Variants in ZFR2 observed in about 807,000 individuals in gnomAD.
The protein encoded by ZFR2 is zinc finger RNA-binding protein 2.
ZFR2 carries 104 observed loss-of-function variants against 105.7 expected under a neutral mutation model. The ratio of observed to expected loss-of-function variants is 0.98; its 90% confidence interval spans 0.84 to 1.16. The LOEUF is 1.16. Ranked by LOEUF, ZFR2 falls within the 50% of genes most tolerant of loss-of-function variation. The pLI is 0.00. For missense variants in ZFR2, 1,425 were observed against 1,355.5 expected, an observed-to-expected ratio of 1.05 and a Z score of -0.80; for synonymous variants, 634 against 597.7, an observed-to-expected ratio of 1.06 and a Z score of -0.89.
intron 1 of ZFR2, chr19:3,855,470 C>T: frequency 1.6e-6 from 2 of 1,231,256 alleles, no homozygotes; most frequent in Non-Finnish European, 2.0e-6. Flanking sequence ...ATAAATACTT[C>T]CTGGGTGCTA....
intron 11 of ZFR2, 104 bp from the exon 12 acceptor site, chr19:3,819,339 C>T (rs80064549): frequency 0.027 from 33,397 of 1,248,290 alleles, 545 homozygotes; most frequent in South Asian, 0.041. Context: ...AGCCAGGTTA[C>T]GAGGCGGCAG....
At position 3,811,311 on chromosome 19, in the gene ZFR2, G is replaced by A. The variant is rs780106075; in HGVS notation, c.2298C>T (p.Leu766=). 41 of 1,605,238 alleles carry A rather than the reference G, an allele frequency of 2.6e-5. No individual in the cohort carries two copies. The highest frequency in any genetic ancestry group is 2.7e-5 in the African/African-American group (2 of 74,712). The part of the protein sequence containing the change: ...AGDVLSPKKC[L]ESLAALRHAR... ...CATGACGGAGGGCGGCCAGGGACTC[G>A]AGGCACTTCTTGGGGCTCAGGACAT... Residue 766 remains leucine, a synonymous_variant, in exon 15 of 19, where the codon CTC becomes CTT. Transcript: ENST00000262961.
chr19:3,825,203 C>A (rs1414709606), intron 7 of ZFR2, 27 bp downstream of exon 7: 1 of 1,463,214 alleles, frequency 6.8e-7, no homozygotes, highest in African/African-American at 1.5e-5. Context: ...CTGGTGGGTA[C>A]ACGAACACGC....
chr19:3,844,017 G>GT (rs2038162500), intron 1 of ZFR2, among the ~76,000 whole-genome samples: 3 of 134,026 alleles, frequency 2.2e-5, no homozygotes, highest in South Asian at 2.6e-4. Flanking sequence ...AGGATGTGGG[G>GT]GGGGGGGTGC....
intron 1 of ZFR2, among the ~76,000 whole-genome samples, chr19:3,865,428 C>G (rs1330519180): frequency 6.6e-6 from 1 of 152,100 alleles, no homozygotes; most frequent in Non-Finnish European, 1.5e-5. Context: ...CAACTCACTA[C>G]AGCCTCAAAC....
In ZFR2 at chr19:3,823,547, C is replaced by G. The variant is rs983352699; in HGVS notation, c.1214-144G>C. On this transcript the variant is annotated intron_variant, in intron 7 of 18. Transcript: ENST00000262961. This position sits in a 1 kb window ranked among gnomAD's most constrained non-coding sequence, Gnocchi z 5.4. The stretch of plus-strand genomic sequence containing the variant: ...CCTCCTGTGATGTCAGGGGGAATGG[C>G]CCCGGACAGCAACCTCGCTCTCCCT... 1 of 825,214 alleles carries G rather than the reference C, an allele frequency of 1.2e-6. No individual in the cohort carries two copies. The highest frequency in any genetic ancestry group is 1.8e-6 in the Non-Finnish European group (1 of 545,460). The allele number at this position is 825,214 out of a possible 1,614,324, so 51.1% of individuals were successfully genotyped here.
intron 6 of ZFR2, among the ~76,000 whole-genome samples, chr19:3,826,177 C>T (rs1294930143): frequency 6.6e-6 from 1 of 152,162 alleles, no homozygotes; most frequent in Non-Finnish European, 1.5e-5. Flanking sequence ...CCGCTCCTTC[C>T]CTCCTCCATG....
At position 3,858,067 on chromosome 19, in the gene ZFR2, T is replaced by A. The variant is rs2038328734; in HGVS notation, c.53+10898A>T. Among the ~76,000 whole-genome samples the A allele has an allele frequency of 6.6e-6, 1 of 152,182 alleles. No individual in the cohort carries two copies. Among genetic ancestry groups the A allele is most frequent in the Non-Finnish European group, 1.5e-5 (1 of 68,040 alleles). Reference sequence around the variant, plus strand: ...GGGAAGTCAAGCTTTTTCAGGTGCATCCTTCTAAACTGAATTTTGGGATGC... The same window carrying A: ...GGGAAGTCAAGCTTTTTCAGGTGCAACCTTCTAAACTGAATTTTGGGATGC... On this transcript the variant is annotated intron_variant, in intron 1 of 18. Transcript: ENST00000262961. This position sits in a 1 kb window ranked among gnomAD's most constrained non-coding sequence, Gnocchi z 4.3.
intron 17 of ZFR2, 98 bp from the exon 18 acceptor site, chr19:3,807,367 C>T (rs1396889236): frequency 4.7e-6 from 4 of 846,384 alleles, no homozygotes; most frequent in Non-Finnish European, 5.6e-6. Flanking sequence ...CTCAGGGGCC[C>T]GTGCATGGGG....
At chr19:3,854,235 A>T (rs1322813491) in intron 1 of ZFR2, among the ~76,000 whole-genome samples, 1 of 107,744 alleles carries the variant, frequency 9.3e-6, no homozygotes, top group Non-Finnish European at 1.8e-5. Flanking sequence ...ATAAAAATAC[A>T]AAAAAAATGA....
intron 13 of ZFR2, 77 bp downstream of exon 13, chr19:3,816,597 T>A: frequency 6.6e-7 from 1 of 1,510,218 alleles, no homozygotes; most frequent in Non-Finnish European, 8.8e-7. Flanking sequence ...CCCTGCCATC[T>A]AGGAGCGCAA....
At position 3,819,164 on chromosome 19, in the gene ZFR2, C is replaced by G. The variant is rs775562032; in HGVS notation, c.1812G>C (p.Glu604Asp). 6 of 1,602,520 alleles carry G rather than the reference C, an allele frequency of 3.7e-6. No individual in the cohort carries two copies. In the African/African-American group the frequency reaches 6.7e-5, roughly 18 times the overall value. Reference protein sequence around the residue: ...MCKHATIYPTEQELLAVQRAV... With the variant: ...MCKHATIYPTDQELLAVQRAV... ...CCCTCTGCACGGCCAGGAGCTCCTGCTCCGTGGGGTAGATGGTGGCGTGCT... is the reference window on the plus strand; with the variant it reads ...CCCTCTGCACGGCCAGGAGCTCCTGGTCCGTGGGGTAGATGGTGGCGTGCT... Residue 604 changes from glutamate to aspartate, a missense_variant, in exon 12 of 19, where the codon GAG becomes GAC. Transcript: ENST00000262961.
Position 3,820,256 on chromosome 19 carries a change from G to A in ZFR2, c.1666C>T (p.Pro556Ser), listed in dbSNP as rs1361003317. The stretch of plus-strand genomic sequence containing the variant: ...TGGGCCCAGTCGGGCGGCGCGTGGG[G>A]CGGCACGTCCTGGGGTGGCTCCTCC... ...LEEEPPQDVP[P>S]HAPPDWAQPL... Residue 556 changes from proline to serine, a missense_variant, in exon 11 of 19, where the codon CCC becomes TCC. Transcript: ENST00000262961. 1.9e-6 allele frequency: 3 copies of A among 1,548,446 alleles called. No individual in the cohort carries two copies. The highest frequency in any genetic ancestry group is 2.4e-5 in the East Asian group (1 of 40,904).
intron 1 of ZFR2, among the ~76,000 whole-genome samples, chr19:3,845,482 G>T (rs371951751): frequency 4.0e-5 from 5 of 126,324 alleles, no homozygotes; most frequent in Non-Finnish European, 6.8e-5. Flanking sequence ...TTCAAAAAAA[G>T]AAAAAAAAAA....
intron 1 of ZFR2, among the ~76,000 whole-genome samples, chr19:3,843,263 G>A (rs1365098680): frequency 6.6e-6 from 1 of 151,826 alleles, no homozygotes; most frequent in East Asian, 1.9e-4. Flanking sequence ...TTGAGGTCAG[G>A]AGGTCGGGAC....
At chr19:3,814,118 T>C (rs1270265238) in intron 13 of ZFR2, among the ~76,000 whole-genome samples, 160 bp from the exon 14 acceptor site, 1 of 152,078 alleles carries the variant, frequency 6.6e-6, no homozygotes, top group East Asian at 1.9e-4. Context: ...AACCTCCAAG[T>C]GACCAAGACA....
Position 3,806,130 on chromosome 19 carries a change from G to C in ZFR2, c.2644-5C>G. 1 of 1,438,942 alleles carries C rather than the reference G, an allele frequency of 6.9e-7. No individual in the cohort carries two copies. Among genetic ancestry groups the C allele is most frequent in the Non-Finnish European group, 9.1e-7 (1 of 1,096,638 alleles). The allele number at this position is 1,438,942 out of a possible 1,614,324, so 89.1% of individuals were successfully genotyped here. A position where few individuals can be genotyped will look rare whatever the true frequency, so the allele number is the denominator to read the frequency against. On this transcript the variant is annotated splice_region_variant and splice_polypyrimidine_tract_variant and intron_variant, in intron 18 of 18. Transcript: ENST00000262961. ...GGCCAGCATTCGCAGGGCGTGCTGC[G>C]GGGCACACACAGCCTGTCAGGACCC...
At chr19:3,846,620 C>T (rs1479925993) in intron 1 of ZFR2, among the ~76,000 whole-genome samples, 1 of 152,192 alleles carries the variant, frequency 6.6e-6, no homozygotes, top group Non-Finnish European at 1.5e-5. Flanking sequence ...AGACTGTTTA[C>T]TTGTTTGAAA....
chr19:3,865,991 G>A lies in ZFR2; in HGVS notation c.53+2974C>T, dbSNP rs150397378. ...CGAGTAACTGGGATTACAGGCGCGCGACACCACGCCCGGCTAATTTTTGTA... is the reference window on the plus strand; with the variant it reads ...CGAGTAACTGGGATTACAGGCGCGCAACACCACGCCCGGCTAATTTTTGTA... On this transcript the variant is annotated intron_variant, in intron 1 of 18. Transcript: ENST00000262961. 3.8e-3 allele frequency among the ~76,000 whole-genome samples: 580 copies of A among 152,158 alleles called. 4 individuals carry two copies. The highest frequency in any genetic ancestry group is 0.013 in the African/African-American group (538 of 41,506).
Sources: allele counts gnomAD v4.1 joint callset (sites outside exome capture counted in the v4.1 genomes callset), GRCh38; gene constraint gnomAD v4.1.1; non-coding constraint Gnocchi (gnomAD v3.1); transcripts MANE v1.5; gene names NCBI Gene and HGNC (gene_info 2026-07-23, HGNC 2026-07-21).